Variants in ADD2 observed in about 807,000 individuals in gnomAD.
ADD2 encodes the protein adducin 2.
In ADD2, 23 loss-of-function variants were observed where a neutral mutation model predicts 83.0. The ratio of observed to expected loss-of-function variants is 0.28; its 90% CI spans 0.20 to 0.39. The LOEUF (loss-of-function observed/expected upper bound fraction) is 0.39. Ranked by LOEUF, ADD2 falls within the 10% of genes least tolerant of loss-of-function variation. The pLI is 1.00. For synonymous variants in ADD2, 375 were observed against 375.4 expected, an observed-to-expected ratio of 1.00 and a Z score of 0.01; for missense variants, 758 against 944.9, an observed-to-expected ratio of 0.80 and a Z score of 2.59.
intron 1 of ADD2, among the ~76,000 whole-genome samples, chr2:70,716,195 T>C (rs1375709364): frequency 1.3e-5 from 2 of 152,118 alleles, no homozygotes; most frequent in Non-Finnish European, 2.9e-5. Context: ...AGCCCATCGA[T>C]GCCCAGCTGG....
At chr2:70,688,876 C>A (rs560357796) in intron 8 of ADD2, among the ~76,000 whole-genome samples, 3 of 152,172 alleles carry the variant, frequency 2.0e-5, no homozygotes, top group African/African-American at 7.2e-5. Context: ...GTGGGCAGAT[C>A]ACTTGAGGTC....
At chr2:70,753,430 GA>G (rs1553383287) in intron 1 of ADD2, among the ~76,000 whole-genome samples, 15 of 152,110 alleles carry the variant, frequency 9.9e-5, no homozygotes, top group African/African-American at 3.6e-4. Context: ...AGGGGGGAAG[GA>G]AGAAAGAGGT....
At chr2:70,717,498 A>G (rs1273117872) in intron 1 of ADD2, among the ~76,000 whole-genome samples, 6 of 152,162 alleles carry the variant, frequency 3.9e-5, no homozygotes, top group African/African-American at 1.4e-4. Context: ...CTCAGCACCC[A>G]GAGCTCAAAG....
chr2:70,732,955 C>T (rs1673357714), intron 1 of ADD2, among the ~76,000 whole-genome samples: 1 of 152,178 alleles, frequency 6.6e-6, no homozygotes, highest in African/African-American at 2.4e-5. Flanking sequence ...CTCCATCTGT[C>T]TGTTCATACA....
At chr2:70,708,159 C>G (rs1270808720) in intron 2 of ADD2, among the ~76,000 whole-genome samples, 2 of 152,210 alleles carry the variant, frequency 1.3e-5, no homozygotes, top group Non-Finnish European at 2.9e-5. Flanking sequence ...GCTTGGAGGA[C>G]AGTGGAAGGC....
At chr2:70,694,027 G>C (rs1671186233) in intron 6 of ADD2, among the ~76,000 whole-genome samples, 1 of 152,232 alleles carries the variant, frequency 6.6e-6, no homozygotes. Flanking sequence ...GCACAGGTTG[G>C]ATTTCACCCT....
intron 15 of ADD2, among the ~76,000 whole-genome samples, chr2:70,668,556 T>C (rs1553366560): frequency 6.6e-6 from 1 of 152,238 alleles, no homozygotes; most frequent in Non-Finnish European, 1.5e-5. Context: ...TTTACGTCTC[T>C]AACAATCATC....
chr2:70,663,558 T>C lies in ADD2; in HGVS notation c.2048A>G (p.Lys683Arg). 6.2e-7 allele frequency: 1 copy of C among 1,614,152 alleles called. No homozygotes were observed. The highest frequency in any genetic ancestry group is 8.5e-7 in the Non-Finnish European group (1 of 1,180,028). ...ADTDVDTSKD[K>R]TESVTSGPMS... ...GGGGCCGCTGGTGACCGACTCGGTT[T>C]TGTCCTTAGAGGTATCAACATCCGT... is the stretch of plus-strand genomic sequence containing the variant. Residue 683 changes from lysine (K) to arginine (R), a missense_variant, in exon 16 of 16, where the codon AAA (lysine) becomes AGA (arginine). Physicochemically the swap from Lys to Arg is conservative, Grantham distance 26. This residue lies in a region of ADD2 where 165 missense variants were observed against 176.2 expected (regional missense o/e 0.94). Coordinates refer to ENST00000264436, the MANE Select transcript of ADD2 (RefSeq NM_001617.4).
chr2:70,673,369 C>T (rs1669989172), intron 14 of ADD2: 1 of 1,584,080 alleles, frequency 6.3e-7, no homozygotes, highest in East Asian at 2.2e-5. Context: ...GAGCACAGAG[C>T]ACATCAACGG....
At chr2:70,728,314 T>A (rs1403930538) in intron 1 of ADD2, among the ~76,000 whole-genome samples, 4 of 152,186 alleles carry the variant, frequency 2.6e-5, no homozygotes, top group Non-Finnish European at 4.4e-5. Context: ...CGGGCTCCAG[T>A]GTGACAGAGT....
At chr2:70,738,887 T>G (rs1405438214) in intron 1 of ADD2, among the ~76,000 whole-genome samples, 2 of 151,960 alleles carry the variant, frequency 1.3e-5, no homozygotes, top group African/African-American at 2.4e-5. Context: ...AAAAATCAAC[T>G]CAAGATGCAT....
At chr2:70,671,350 A>G (rs1423962425) in intron 15 of ADD2, among the ~76,000 whole-genome samples, 2 of 152,232 alleles carry the variant, frequency 1.3e-5, no homozygotes, top group African/African-American at 2.4e-5. Context: ...TGTGTGGCCT[A>G]TGTGTGTATA....
intron 1 of ADD2, among the ~76,000 whole-genome samples, chr2:70,715,827 G>T (rs1553376258): frequency 6.7e-6 from 1 of 149,434 alleles, no homozygotes; most frequent in African/African-American, 2.5e-5. Flanking sequence ...CCCTCTTTTT[G>T]CCCTGCACAT....
At position 70,692,458 on chromosome 2, in the gene ADD2, G is replaced by A; in HGVS notation, c.650C>T (p.Ala217Val). ...TGFCLHSAIY[A>V]ARPDVRCIIH... Reference sequence around the variant, plus strand: ...GATGCAGCGCACGTCGGGCCTCGCTGCATAGATGGCCGAGTGCAGACAGAA... The same window carrying A: ...GATGCAGCGCACGTCGGGCCTCGCTACATAGATGGCCGAGTGCAGACAGAA... Residue 217 changes from alanine to valine, a missense_variant, in exon 7 of 16, where the codon GCA (alanine) becomes GTA (valine). Physicochemically the swap from Ala to Val is moderately conservative, Grantham distance 64 (BLOSUM62 0). Coordinates refer to ENST00000264436, the MANE Select transcript of ADD2 (RefSeq NM_001617.4). The A allele has an allele frequency of 6.2e-7, 1 of 1,612,420 alleles. No individual in the cohort carries two copies. The highest frequency in any genetic ancestry group is 8.5e-7 in the Non-Finnish European group (1 of 1,179,314).
chr2:70,766,824 C>G (rs1675407283), intron 1 of ADD2, among the ~76,000 whole-genome samples: 2 of 152,180 alleles, frequency 1.3e-5, no homozygotes, highest in African/African-American at 4.8e-5. Flanking sequence ...TCAGTTGAAT[C>G]TTAGACGACA....
intron 14 of ADD2, among the ~76,000 whole-genome samples, chr2:70,673,533 G>A (rs1553367585): frequency 6.6e-6 from 1 of 152,184 alleles, no homozygotes; most frequent in Non-Finnish European, 1.5e-5. Flanking sequence ...AAAGTGCCAT[G>A]TTCCTCTATT....
In ADD2 at chr2:70,674,509, A is replaced by C. The variant is rs553637735; in HGVS notation, c.1741+169T>G. On this transcript the variant is annotated intron_variant, in intron 14 of 15. Transcript: ENST00000264436. ...GAGGGTCAAGTGAGGTCATGAAGGC[A>C]CCGAGTAACTGTCAGGAACAGAGCA... is the stretch of plus-strand genomic sequence containing the variant. Among the ~76,000 whole-genome samples, 5 of 152,338 alleles carry C rather than the reference A, an allele frequency of 3.3e-5. No individual in the cohort carries two copies. The South Asian group carries it at 1.0e-3, about 32-fold the overall frequency.
At chr2:70,695,902 A>G in intron 5 of ADD2, 101 bp from the exon 6 acceptor site, 1 of 1,000,698 alleles carries the variant, frequency 1.0e-6, no homozygotes, top group Non-Finnish European at 1.5e-6. Flanking sequence ...ACTGCACCCA[A>G]GTCCATCTCT....
intron 2 of ADD2, among the ~76,000 whole-genome samples, chr2:70,707,630 C>T (rs1671970153): frequency 6.6e-6 from 1 of 152,256 alleles, no homozygotes. Context: ...CCTTCAACAC[C>T]CAGGGTGGCC....
Sources: allele counts gnomAD v4.1 joint callset (sites outside exome capture counted in the v4.1 genomes callset), GRCh38; gene constraint gnomAD v4.1.1; regional missense constraint gnomAD v4.1.1; transcripts MANE v1.5; gene names NCBI Gene and HGNC (gene_info 2026-07-23, HGNC 2026-07-21).